Variants in ORMDL1 observed in about 807,000 individuals in gnomAD.
ORMDL1 encodes ORMDL sphingolipid biosynthesis regulator 1.
Under a neutral mutation model 13.0 loss-of-function variants are expected in ORMDL1, and 10 were observed. That is an observed-to-expected ratio of 0.77 (90% CI 0.47 to 1.30). ORMDL1 has a LOEUF of 1.30. Among genes scored for constraint, ORMDL1 ranks in the 50% most tolerant of loss-of-function variants. ORMDL1 has a pLI of 0.00. For missense variants in ORMDL1, 171 were observed against 186.7 expected (o/e 0.92, Z 0.49); for synonymous variants, 61 against 63.9 (o/e 0.95, Z 0.22).
chr2:189,780,222 T>C (rs144268852), intron 3 of ORMDL1, among the ~76,000 whole-genome samples: 280 of 152,364 alleles, frequency 1.8e-3, no homozygotes, highest in African/African-American at 6.3e-3. Context: ...TGCATTTTAA[T>C]TGCAACCTGT....
chr2:189,765,992 A>T (rs1161798972), downstream of ORMDL1, among the ~76,000 whole-genome samples: 1 of 150,802 alleles, frequency 6.6e-6, no homozygotes, highest in African/African-American at 2.4e-5. Flanking sequence ...ACGCCCAGCT[A>T]ATTTTTGTAT....
chr2:189,773,237 C>T (rs1410628149), intron 4 of ORMDL1, among the ~76,000 whole-genome samples: 3 of 151,952 alleles, frequency 2.0e-5, no homozygotes, highest in African/African-American at 7.3e-5. Flanking sequence ...TTACTTGACT[C>T]TTTCAAAAAC....
intron 3 of ORMDL1, among the ~76,000 whole-genome samples, chr2:189,779,016 CTCAATCAG>C (rs1433772765): frequency 6.6e-6 from 1 of 152,094 alleles, no homozygotes; most frequent in African/African-American, 2.4e-5. Flanking sequence ...AGACCCCCAT[CTCAATCAG>C]TCAATCAGCT....
intron 4 of ORMDL1, among the ~76,000 whole-genome samples, chr2:189,773,497 G>A (rs1315771330): frequency 3.3e-5 from 5 of 152,086 alleles, no homozygotes; most frequent in Non-Finnish European, 5.9e-5. Flanking sequence ...CAAGGCAGGC[G>A]GATCACCTGA....
Position 189,775,566 on chromosome 2 carries a change from G to A in ORMDL1, c.325C>T (p.Leu109=). ...RKFFTISPII[L]YFLASFYTKY... ...TACCTAAAAATTTCTGCCACTTACAGAATTATTGGAGAAATTGTGAAAAAC... is the reference window on the plus strand; with the variant it reads ...TACCTAAAAATTTCTGCCACTTACAAAATTATTGGAGAAATTGTGAAAAAC... Residue 109 remains leucine (L), a splice_region_variant and synonymous_variant, in exon 4 of 5, where the codon CTA becomes TTA. Coordinates refer to ENST00000392349, the MANE Select transcript of ORMDL1 (RefSeq NM_016467.5). The A allele has an allele frequency of 6.3e-7, 1 of 1,597,178 alleles. No homozygotes were observed. Among genetic ancestry groups the A allele is most frequent in the Non-Finnish European group, 8.5e-7 (1 of 1,172,772 alleles).
chr2:189,775,848 T>C (rs1398740667), intron 3 of ORMDL1, 132 bp from the exon 4 acceptor site: 3 of 794,402 alleles, frequency 3.8e-6, no homozygotes, highest in South Asian at 5.5e-5. Context: ...AGCTTTCATA[T>C]AATAGTGAAA....
Position 189,771,084 on chromosome 2 carries a change from G to C in ORMDL1, c.*683C>G, listed in dbSNP as rs556686308. On this transcript the variant is annotated 3_prime_UTR_variant, in exon 5 of 5. Coordinates refer to ENST00000392349, the MANE Select transcript of ORMDL1 (RefSeq NM_016467.5). ...TAAAACCTGCTTTGTTCCAAAATTAGAACACTTGACTCAGAAGCTGCTTGT... is the reference window on the plus strand; with the variant it reads ...TAAAACCTGCTTTGTTCCAAAATTACAACACTTGACTCAGAAGCTGCTTGT... The C allele has an allele frequency of 3.3e-5, 5 of 152,260 alleles. No individual in the cohort carries two copies. The East Asian group carries it at 9.7e-4, about 29-fold the overall frequency. The allele number at this position is 152,260 out of a possible 1,614,324, so 9.4% of individuals were successfully genotyped here. A position where few individuals can be genotyped will look rare whatever the true frequency, so the allele number is the denominator to read the frequency against.
At chr2:189,777,295 G>A (rs1474560465) in intron 3 of ORMDL1, among the ~76,000 whole-genome samples, 3 of 152,128 alleles carry the variant, frequency 2.0e-5, no homozygotes, top group Non-Finnish European at 4.4e-5. Flanking sequence ...ATTACGCCAA[G>A]GAGTATTTAT....
chr2:189,772,213 G>A (rs1443138444), intron 4 of ORMDL1, among the ~76,000 whole-genome samples: 2 of 152,278 alleles, frequency 1.3e-5, no homozygotes, highest in African/African-American at 2.4e-5. Context: ...AATTACAGGT[G>A]TAGTTCTGTA....
In ORMDL1 at chr2:189,770,597, A is replaced by G. The variant is rs1173009602; in HGVS notation, c.*1170T>C. ...ATATCTGAACTTTGTTTTTTTTGAC[A>G]TGTTTACTTCTCAAAGTAGTATATA... On this transcript the variant is annotated 3_prime_UTR_variant, in exon 5 of 5. Transcript: ENST00000392349. 4.6e-5 allele frequency: 7 copies of G among 152,034 alleles called. No homozygotes were observed. The South Asian group carries it at 1.2e-3, about 27-fold the overall frequency. The allele number at this position is 152,034 out of a possible 1,614,324, so 9.4% of individuals were successfully genotyped here.
At chr2:189,776,773 G>C (rs1008276491) in intron 3 of ORMDL1, among the ~76,000 whole-genome samples, 7 of 152,014 alleles carry the variant, frequency 4.6e-5, no homozygotes, top group Non-Finnish European at 1.0e-4. Context: ...ATGTTCAATT[G>C]GATTTAACCC....
At chr2:189,775,749 A>G (rs3816196) in intron 3 of ORMDL1, 33 bp from the exon 4 acceptor site, 1,139,768 of 1,599,052 alleles carry the variant, frequency 0.71, 415,856 homozygotes, top group South Asian at 0.76. Flanking sequence ...TAAATGATCA[A>G]TATTAAATAC....
chr2:189,771,810 G>C lies in ORMDL1; in HGVS notation c.419C>G (p.Pro140Arg). 1 of 1,612,150 alleles carries C rather than the reference G, an allele frequency of 6.2e-7. No individual in the cohort carries two copies. The highest frequency in any genetic ancestry group is 8.5e-7 in the Non-Finnish European group (1 of 1,179,228). ...SLLSVLIPKM[P>R]QLHGVRIFGI... ...AAAGATCCGAACACCATGTAGTTGT[G>C]GCATTTTGGGAATTAGTACACTCAG... The change falls in exon 5 of 5, where the codon CCA (proline) becomes CGA (arginine). Residue 140 changes from proline (P) to arginine (R), a missense_variant. By Grantham distance (103) the Pro-to-Arg change is moderately radical. Transcript: ENST00000392349.
intron 4 of ORMDL1, chr2:189,773,939 C>G (rs2047636766): frequency 6.6e-6 from 1 of 152,122 alleles, no homozygotes; most frequent in African/African-American, 2.4e-5. Flanking sequence ...ACAGGTACAT[C>G]TCAGTTGGCT....
downstream of ORMDL1, among the ~76,000 whole-genome samples, chr2:189,768,482 T>A (rs1020555225): frequency 3.3e-5 from 5 of 152,192 alleles, no homozygotes; most frequent in Non-Finnish European, 5.9e-5. Flanking sequence ...AAAATCAAGA[T>A]TCAGCTTTAG....
intron 3 of ORMDL1, among the ~76,000 whole-genome samples, chr2:189,780,308 T>C (rs1317050304): frequency 6.6e-6 from 1 of 152,256 alleles, no homozygotes; most frequent in African/African-American, 2.4e-5. Flanking sequence ...TAGAACATTT[T>C]CTATTTTGGG....
chr2:189,768,792 A>G (rs1190736972), downstream of ORMDL1, among the ~76,000 whole-genome samples: 1 of 152,216 alleles, frequency 6.6e-6, no homozygotes, highest in Non-Finnish European at 1.5e-5. Context: ...TGTGCTATAT[A>G]ATAAGTAATA....
At chr2:189,769,261 C>A (rs2047532353), downstream of ORMDL1, among the ~76,000 whole-genome samples, 1 of 152,028 alleles carries the variant, frequency 6.6e-6, no homozygotes, top group Non-Finnish European at 1.5e-5. Flanking sequence ...GTGGTGCACG[C>A]CCATAATCCC....
intron 3 of ORMDL1, among the ~76,000 whole-genome samples, chr2:189,781,397 G>C (rs1044267497): frequency 3.9e-5 from 6 of 151,962 alleles, no homozygotes; most frequent in African/African-American, 1.5e-4. Context: ...TTAAAGACAA[G>C]AAAAGTCGCT....
Sources: allele counts gnomAD v4.1 joint callset (sites outside exome capture counted in the v4.1 genomes callset), GRCh38; gene constraint gnomAD v4.1.1; transcripts MANE v1.5; gene names NCBI Gene and HGNC (gene_info 2026-07-23, HGNC 2026-07-21).